The following ZNF621 variants were observed in gnomAD, a reference collection of about 807,000 sequenced individuals.
ZNF621 encodes the protein zinc finger protein 621.
A neutral mutation model predicts 12.7 loss-of-function variants in ZNF621; 6 were observed. That is an observed-to-expected ratio of 0.47 (90% CI 0.26 to 0.93). The LOEUF (loss-of-function observed/expected upper bound fraction) is 0.93, where lower values mean the gene tolerates loss of function less well. Ranked by LOEUF, ZNF621 falls within the 40% of genes least tolerant of loss-of-function variation. ZNF621 has a pLI of 0.15. For synonymous variants in ZNF621, 156 were observed against 190.3 expected, an observed-to-expected ratio of 0.82 and a Z score of 1.48; for missense variants, 474 against 524.0, an observed-to-expected ratio of 0.90 and a Z score of 0.93.
At chr3:40,530,657 G>T (rs745702865) in intron 4 of ZNF621, among the ~76,000 whole-genome samples, 1 of 152,132 alleles carries the variant, frequency 6.6e-6, no homozygotes, top group Non-Finnish European at 1.5e-5. Flanking sequence ...CCAAATTTAA[G>T]GAAAATATGA....
chr3:40,525,886 T>G (rs757474190), intron 2 of ZNF621, 22 bp downstream of exon 2: 6 of 1,611,660 alleles, frequency 3.7e-6, no homozygotes, highest in South Asian at 3.3e-5. Flanking sequence ...TTCTTTCAGT[T>G]TTTTTGTTTG....
At position 40,532,448 on chromosome 3, in the gene ZNF621, G is replaced by A. The variant is rs906306749; in HGVS notation, c.678G>A (p.Gln226=). ...LSSNTALTQH[Q]RIHTGEKPYE... Reference sequence around the variant, plus strand: ...CCAACACAGCCTTGACTCAACATCAGAGGATCCACACTGGAGAGAAACCCT... The same window carrying A: ...CCAACACAGCCTTGACTCAACATCAAAGGATCCACACTGGAGAGAAACCCT... Residue 226 remains glutamine (Q), a synonymous_variant, in exon 5 of 5, where the codon CAG becomes CAA. Transcript: ENST00000339296. The A allele has an allele frequency of 6.2e-7, 1 of 1,613,936 alleles. No individual in the cohort carries two copies. Among genetic ancestry groups the A allele is most frequent in the African/African-American group, 1.3e-5 (1 of 74,896 alleles).
rs1341288442 is a variant in ZNF621 at position 40,538,311 on chromosome 3, G to A, written c.*5221G>A. The A allele has an allele frequency of 1.5e-5, 5 of 338,052 alleles. No individual in the cohort carries two copies. Among genetic ancestry groups the A allele is most frequent in the South Asian group, 8.7e-5 (4 of 46,026 alleles). The allele number at this position is 338,052 out of a possible 1,614,324, so 20.9% of individuals were successfully genotyped here. On this transcript the variant is annotated 3_prime_UTR_variant, in exon 5 of 5. Transcript: ENST00000339296. ...GTGGATCAGTTGAGGTCAGGAGTTT[G>A]AGACCAGCCTGACCAACATGGAGAA...
In ZNF621 at chr3:40,535,098, G is replaced by A. The variant is rs1026286443; in HGVS notation, c.*2008G>A. ...TGATGGTTATGTTTCTGCCTTCGGC[G>A]AGAGAACAGCAAGCTCCAGAAAGTG... On this transcript the variant is annotated 3_prime_UTR_variant, in exon 5 of 5. Transcript: ENST00000339296. The A allele has an allele frequency of 5.3e-5, 8 of 152,202 alleles. No homozygotes were observed. Among genetic ancestry groups the A allele is most frequent in the African/African-American group, 1.9e-4 (8 of 41,436 alleles). The allele number at this position is 152,202 out of a possible 1,614,324, so 9.4% of individuals were successfully genotyped here. A position where few individuals can be genotyped will look rare whatever the true frequency, so the allele number is the denominator to read the frequency against.
intron 2 of ZNF621, among the ~76,000 whole-genome samples, chr3:40,529,040 C>G (rs542598416): frequency 6.6e-6 from 1 of 152,276 alleles, no homozygotes; most frequent in South Asian, 2.1e-4. Context: ...TTCACACATG[C>G]CTGTAATCTC....
upstream of ZNF621, among the ~76,000 whole-genome samples, chr3:40,523,210 G>C (rs1698496655): frequency 6.6e-6 from 1 of 152,008 alleles, no homozygotes; most frequent in African/African-American, 2.4e-5. Context: ...TAAGGTTTTA[G>C]GGTGATTTGT....
intron 2 of ZNF621, among the ~76,000 whole-genome samples, chr3:40,528,329 C>A (rs1011177975): frequency 1.3e-5 from 2 of 152,004 alleles, no homozygotes; most frequent in South Asian, 4.1e-4. Context: ...CTTGATAGAT[C>A]GTTTTGTTTT....
At position 40,532,182 on chromosome 3, in the gene ZNF621, C is replaced by G; in HGVS notation, c.412C>G (p.Leu138Val). The change falls in exon 5 of 5, where the codon CTA becomes GTA. Residue 138 changes from leucine to valine, a missense_variant. Transcript: ENST00000339296. Reference protein sequence around the residue: ...KRKALKQTFNLNPNLILRGGM... With the variant: ...KRKALKQTFNVNPNLILRGGM... ...GAAGGCACTGAAGCAGACTTTCAAT[C>G]TAAATCCAAATCTGATACTTCGAGG... 1 of 1,614,192 alleles carries G rather than the reference C, an allele frequency of 6.2e-7. No homozygotes were observed. The highest frequency in any genetic ancestry group is 2.2e-5 in the East Asian group (1 of 44,880).
chr3:40,532,432 C>T lies in ZNF621; in HGVS notation c.662C>T (p.Ala221Val). The change falls in exon 5 of 5, where the codon GCC becomes GTC. Residue 221 changes from alanine to valine, a missense_variant. Ala to Val is a moderately conservative substitution (Grantham distance 64). Coordinates refer to ENST00000339296, the MANE Select transcript of ZNF621 (RefSeq NM_198484.5). ...ECGKGLSSNT[A>V]LTQHQRIHTG... is the part of the protein sequence containing the mutation. ...GGCAAAGGTTTGAGTTCCAACACAG[C>T]CTTGACTCAACATCAGAGGATCCAC... 4.3e-6 allele frequency: 7 copies of T among 1,613,694 alleles called. No individual in the cohort carries two copies. Among genetic ancestry groups the T allele is most frequent in the Non-Finnish European group, 5.9e-6 (7 of 1,179,964 alleles).
Position 40,533,152 on chromosome 3 carries a change from T to G in ZNF621, c.*62T>G. 6.7e-7 allele frequency: 1 copy of G among 1,501,550 alleles called. No individual in the cohort carries two copies. Among genetic ancestry groups the G allele is most frequent in the Non-Finnish European group, 8.9e-7 (1 of 1,124,370 alleles). The allele number at this position is 1,501,550 out of a possible 1,614,324, so 93.0% of individuals were successfully genotyped here. ...CAAATCTCCAGCCTAATTTTATATATTTTTTTGAGAAAGGGTCTTGCTCTG... is the reference window on the plus strand; with the variant it reads ...CAAATCTCCAGCCTAATTTTATATAGTTTTTTGAGAAAGGGTCTTGCTCTG... On this transcript the variant is annotated 3_prime_UTR_variant, in exon 5 of 5. Coordinates refer to ENST00000339296, the MANE Select transcript of ZNF621 (RefSeq NM_198484.5).
At chr3:40,527,830 G>A (rs1160164252) in intron 2 of ZNF621, among the ~76,000 whole-genome samples, 5 of 152,122 alleles carry the variant, frequency 3.3e-5, no homozygotes, top group Non-Finnish European at 7.4e-5. Context: ...ACCCTGAAAC[G>A]ATTCAACACT....
Position 40,535,862 on chromosome 3 carries a change from C to G in ZNF621, c.*2772C>G, listed in dbSNP as rs755733299. 20 of 152,006 alleles carry G rather than the reference C, an allele frequency of 1.3e-4. No homozygotes were observed. The highest frequency in any genetic ancestry group is 2.2e-4 in the Non-Finnish European group (15 of 67,988). The allele number at this position is 152,006 out of a possible 1,614,324, so 9.4% of individuals were successfully genotyped here. A position where few individuals can be genotyped will look rare whatever the true frequency, so the allele number is the denominator to read the frequency against. ...ATTCATGGGTAGGAAAGATTAGTTTCATCAAGATTTCAATTTTTATCAATT... is the reference window on the plus strand; with the variant it reads ...ATTCATGGGTAGGAAAGATTAGTTTGATCAAGATTTCAATTTTTATCAATT... On this transcript the variant is annotated 3_prime_UTR_variant, in exon 5 of 5. Coordinates refer to ENST00000339296, the MANE Select transcript of ZNF621 (RefSeq NM_198484.5).
intron 2 of ZNF621, among the ~76,000 whole-genome samples, chr3:40,526,125 G>A (rs1374606038): frequency 6.6e-6 from 1 of 152,160 alleles, no homozygotes; most frequent in Non-Finnish European, 1.5e-5. Context: ...TTCTGAATGT[G>A]GAAATCCAGA....
At chr3:40,527,655 C>T (rs1196402111) in intron 2 of ZNF621, among the ~76,000 whole-genome samples, 1 of 152,178 alleles carries the variant, frequency 6.6e-6, no homozygotes, top group Non-Finnish European at 1.5e-5. Context: ...CATATATTCC[C>T]TGCCCCTACA....
upstream of ZNF621, among the ~76,000 whole-genome samples, chr3:40,523,387 C>T (rs148140816): frequency 0.012 from 1,768 of 152,240 alleles, 15 homozygotes; most frequent in Non-Finnish European, 0.019. Context: ...GACCAATTCC[C>T]CTTTATAGCA....
At chr3:40,526,464 A>T (rs1193489090) in intron 2 of ZNF621, among the ~76,000 whole-genome samples, 1 of 152,214 alleles carries the variant, frequency 6.6e-6, no homozygotes, top group African/African-American at 2.4e-5. Context: ...GAGCCACCGC[A>T]CTAGCTTGAA....
intron 1 of ZNF621, among the ~76,000 whole-genome samples, 168 bp from the exon 2 acceptor site, chr3:40,525,611 A>G (rs953299289): frequency 4.6e-5 from 7 of 152,222 alleles, no homozygotes; most frequent in African/African-American, 1.7e-4. Flanking sequence ...AAGACTAGGC[A>G]GAACAATTCA....
chr3:40,536,004 T>C lies in ZNF621; in HGVS notation c.*2914T>C, dbSNP rs1698856105. Reference sequence around the variant, plus strand: ...ATGGGGGGTTTTATGCTACCAGATATTATATACAATGATCATCAAACACAG... The same window carrying C: ...ATGGGGGGTTTTATGCTACCAGATACTATATACAATGATCATCAAACACAG... On this transcript the variant is annotated 3_prime_UTR_variant, in exon 5 of 5. Transcript: ENST00000339296. 1 of 152,062 alleles carries C rather than the reference T, an allele frequency of 6.6e-6. No individual in the cohort carries two copies. The allele number at this position is 152,062 out of a possible 1,614,324, so 9.4% of individuals were successfully genotyped here. A position where few individuals can be genotyped will look rare whatever the true frequency, so the allele number is the denominator to read the frequency against.
intron 2 of ZNF621, among the ~76,000 whole-genome samples, chr3:40,526,203 T>C (rs1306616594): frequency 2.6e-5 from 4 of 152,256 alleles, no homozygotes; most frequent in Non-Finnish European, 4.4e-5. Context: ...AGTCTCACTC[T>C]GTCGCCCAAG....
Sources: allele counts gnomAD v4.1 joint callset (sites outside exome capture counted in the v4.1 genomes callset), GRCh38; gene constraint gnomAD v4.1.1; transcripts MANE v1.5; gene names NCBI Gene and HGNC (gene_info 2026-07-23, HGNC 2026-07-21).